Variants in EEPD1 observed in about 807,000 individuals in gnomAD.
EEPD1 encodes the protein endonuclease/exonuclease/phosphatase family domain-containing protein 1.
EEPD1 carries 17 observed loss-of-function variants against 46.3 expected under a neutral mutation model. The observed-to-expected ratio is 0.37, with a 90% confidence interval of 0.25 to 0.55. The LOEUF (loss-of-function observed/expected upper bound fraction) is 0.55, where lower values mean the gene tolerates loss of function less well. Among genes scored for constraint, EEPD1 ranks in the 20% least tolerant of loss-of-function variants. The pLI, the probability that EEPD1 is intolerant of heterozygous loss-of-function variation, is 0.83. For missense variants in EEPD1, 673 were observed against 745.6 expected, an observed-to-expected ratio of 0.90 and a Z score of 1.13; for synonymous variants, 313 against 315.6, an observed-to-expected ratio of 0.99 and a Z score of 0.09.
At chr7:36,279,790 G>A (rs563513453) in intron 3 of EEPD1, among the ~76,000 whole-genome samples, 15 of 152,366 alleles carry the variant, frequency 9.8e-5, no homozygotes, top group Middle Eastern at 3.4e-3. Context: ...TTTCTAGCAC[G>A]TTCTCAGGTG....
chr7:36,259,809 C>T (rs536519127), intron 3 of EEPD1, among the ~76,000 whole-genome samples: 4 of 152,316 alleles, frequency 2.6e-5, no homozygotes, highest in African/African-American at 9.6e-5. Flanking sequence ...AGCCACCATG[C>T]CGGGCCTATT....
At chr7:36,241,643 G>C (rs1786554960) in intron 3 of EEPD1, among the ~76,000 whole-genome samples, 1 of 151,050 alleles carries the variant, frequency 6.6e-6, no homozygotes, top group African/African-American at 2.4e-5. Flanking sequence ...GAGGCGGGTG[G>C]ATCATTTGAG....
At chr7:36,188,749 T>G (rs1785410050) in intron 2 of EEPD1, among the ~76,000 whole-genome samples, 1 of 152,120 alleles carries the variant, frequency 6.6e-6, no homozygotes, top group Non-Finnish European at 1.5e-5. Flanking sequence ...AAATGGGTGG[T>G]TTGCATTAAA....
At chr7:36,175,927 G>A (rs1489688886) in intron 2 of EEPD1, among the ~76,000 whole-genome samples, 1 of 152,226 alleles carries the variant, frequency 6.6e-6, no homozygotes. Context: ...GCAGGTCACT[G>A]CCGGGTCCCT....
Position 36,291,982 on chromosome 7 carries a change from G to A in EEPD1, c.1315+4205G>A, listed in dbSNP as rs549351690. On this transcript the variant is annotated intron_variant, in intron 6 of 7. Transcript: ENST00000242108. ...TTCCTCTAGGGTAAATCAGACTGTGGGAGAAATGTCTAAAATGCTTTAGGA... is the reference window on the plus strand; with the variant it reads ...TTCCTCTAGGGTAAATCAGACTGTGAGAGAAATGTCTAAAATGCTTTAGGA... 3.3e-5 allele frequency among the ~76,000 whole-genome samples: 5 copies of A among 152,286 alleles called. No homozygotes were observed. The South Asian group carries it at 1.0e-3, about 32-fold the overall frequency.
At chr7:36,236,815 A>G (rs1325628531) in intron 2 of EEPD1, among the ~76,000 whole-genome samples, 2 of 152,232 alleles carry the variant, frequency 1.3e-5, no homozygotes, top group Admixed American at 6.5e-5. Flanking sequence ...AGACGGATCA[A>G]TCAGTGCTCT....
At chr7:36,176,967 T>C (rs1190385943) in intron 2 of EEPD1, among the ~76,000 whole-genome samples, 3 of 152,232 alleles carry the variant, frequency 2.0e-5, no homozygotes, top group Non-Finnish European at 4.4e-5. Flanking sequence ...GGACTTAAAC[T>C]GTTATCACAC....
At chr7:36,209,783 C>T (rs1456221612) in intron 2 of EEPD1, among the ~76,000 whole-genome samples, 1 of 152,172 alleles carries the variant, frequency 6.6e-6, no homozygotes, top group African/African-American at 2.4e-5. Context: ...GATCCACCTG[C>T]ATGACCCAAA....
chr7:36,158,720 G>C (rs187932966), intron 2 of EEPD1, among the ~76,000 whole-genome samples: 23 of 152,292 alleles, frequency 1.5e-4, no homozygotes, highest in Admixed American at 1.5e-3. Flanking sequence ...CAAGATTAAA[G>C]GGGAATGTTC....
At chr7:36,245,690 T>C (rs1319079910) in intron 3 of EEPD1, among the ~76,000 whole-genome samples, 1 of 152,238 alleles carries the variant, frequency 6.6e-6, no homozygotes, top group Non-Finnish European at 1.5e-5. Context: ...AACCAATTTC[T>C]TCTTTTGAAA....
intron 2 of EEPD1, among the ~76,000 whole-genome samples, chr7:36,198,355 A>AAAAAAAAAAAAAAAAAAAAAG (rs1785649123): frequency 9.2e-6 from 1 of 109,264 alleles, no homozygotes. Flanking sequence ...AAAAAAAAAA[A>AAAAAAAAAAAAAAAAAAAAAG]AAAGAAAGAT....
At chr7:36,213,822 G>A (rs111755989) in intron 2 of EEPD1, among the ~76,000 whole-genome samples, 68 of 152,222 alleles carry the variant, frequency 4.5e-4, no homozygotes, top group African/African-American at 1.6e-3. Flanking sequence ...CCGGATTGTC[G>A]GCTCCACAAG....
rs553093652 is a variant in EEPD1 at position 36,177,973 on chromosome 7, C to T, written c.878+22771C>T. On this transcript the variant is annotated intron_variant, in intron 2 of 7. Transcript: ENST00000242108. The stretch of plus-strand genomic sequence containing the variant: ...AGGTGATCCACCTGCCTCAGCCTCC[C>T]AAAGTGCTGGGATTACAGGCATGAG... Among the ~76,000 whole-genome samples, 148 of 152,282 alleles carry T rather than the reference C, an allele frequency of 9.7e-4. 2 individuals are homozygous for T. The highest frequency in any genetic ancestry group is 3.5e-3 in the African/African-American group (145 of 41,544).
chr7:36,173,162 A>G lies in EEPD1; in HGVS notation c.878+17960A>G, dbSNP rs904176515. Among the ~76,000 whole-genome samples the G allele has an allele frequency of 9.9e-5, 15 of 151,720 alleles. No individual in the cohort carries two copies. In the East Asian group the frequency reaches 2.9e-3, roughly 29 times the overall value. ...GGTGGGAGGGGTTTGAATCATAGGG[A>G]CGGTTTCCCCCATGCTGTTCTCATG... is the stretch of plus-strand genomic sequence containing the variant. On this transcript the variant is annotated intron_variant, in intron 2 of 7. Coordinates refer to ENST00000242108, the MANE Select transcript of EEPD1 (RefSeq NM_030636.3).
At chr7:36,242,768 C>CAAAAAAAAAAA (rs34909516) in intron 3 of EEPD1, among the ~76,000 whole-genome samples, 6 of 85,406 alleles carry the variant, frequency 7.0e-5, no homozygotes, top group African/African-American at 1.0e-4. Flanking sequence ...AATAAAAATA[C>CAAAAAAAAAAA]AAAAAAAAAA....
intron 3 of EEPD1, among the ~76,000 whole-genome samples, chr7:36,274,985 AAGG>A (rs1787162624): frequency 6.6e-6 from 1 of 152,216 alleles, no homozygotes. Flanking sequence ...TTATCTTTTT[AAGG>A]AGAACTCACC....
chr7:36,209,017 C>T (rs1428762319), intron 2 of EEPD1, among the ~76,000 whole-genome samples: 5 of 152,186 alleles, frequency 3.3e-5, no homozygotes, highest in African/African-American at 9.7e-5. Flanking sequence ...TGGTCTCAGG[C>T]CTCAGGTGTT....
chr7:36,238,768 G>T (rs1233740490), intron 2 of EEPD1, among the ~76,000 whole-genome samples: 1 of 151,756 alleles, frequency 6.6e-6, no homozygotes, highest in Admixed American at 6.6e-5. Flanking sequence ...AAGTGAAATT[G>T]CTGGATCATA....
chr7:36,178,792 C>G (rs946000605), intron 2 of EEPD1, among the ~76,000 whole-genome samples: 4 of 152,188 alleles, frequency 2.6e-5, no homozygotes, highest in Admixed American at 6.5e-5. Context: ...CAGGAGCCCT[C>G]GAAGGTAAAC....
Sources: gnomAD v4.1 joint callset for allele counts (sites outside exome capture counted in the v4.1 genomes callset) on GRCh38, gnomAD v4.1.1 for gene constraint, MANE v1.5 for transcripts, NCBI Gene and HGNC (gene_info 2026-07-23, HGNC 2026-07-21) for gene names.